Variants in IFNA14 observed in about 807,000 individuals in gnomAD.
IFNA14 encodes interferon alpha 14.
For missense variants in IFNA14, 337 were observed against 214.9 expected (o/e 1.57, Z -3.55); for synonymous variants, 113 against 76.8 (o/e 1.47, Z -2.46).
Position 21,239,992 on chromosome 9 carries a change from G to T in IFNA14, c.-57C>A, listed in dbSNP as rs1818866050. 2 of 1,470,892 alleles carry T rather than the reference G, an allele frequency of 1.4e-6. No individual in the cohort carries two copies. The highest frequency in any genetic ancestry group is 4.5e-5 in the East Asian group (2 of 44,146). 91.1% of individuals were successfully genotyped at this position (1,470,892 alleles called of 1,614,324 possible). Reference sequence around the variant, plus strand: ...GATGAGGGGTAACACTGAACCTTGGGTTGTAGGTTTTCTGAAGACCTTGCT... The same window carrying T: ...GATGAGGGGTAACACTGAACCTTGGTTTGTAGGTTTTCTGAAGACCTTGCT... On this transcript the variant is annotated 5_prime_UTR_variant, in exon 1 of 1. Coordinates refer to ENST00000380222, the MANE Select transcript of IFNA14 (RefSeq NM_002172.3).
rs1272187454 is a variant in IFNA14, at chr9:21,239,742, T to C, written c.194A>G (p.Glu65Gly). 6.2e-7 allele frequency: 1 copy of C among 1,614,004 alleles called. No individual in the cohort carries two copies. Among genetic ancestry groups the C allele is most frequent in the Non-Finnish European group, 8.5e-7 (1 of 1,180,020 alleles). The change falls in exon 1 of 1, where the codon GAA becomes GGA. Residue 65 changes from glutamate to glycine, a missense_variant. Physicochemically the swap from Glu to Gly is moderately conservative, Grantham distance 98 (BLOSUM62 -2). Coordinates refer to ENST00000380222, the MANE Select transcript of IFNA14 (RefSeq NM_002172.3). The part of the protein sequence containing the change: ...DRHDFEFPQE[E>G]FDGNQFQKAQ... ...TTTCTGGAACTGGTTGCCATCAAAT[T>C]CCTCCTGGGGAAATTCAAAGTCATG... is the stretch of plus-strand genomic sequence containing the variant.
rs1474772484 is a variant in IFNA14 at position 21,239,733 on chromosome 9, C to T, written c.203G>A (p.Gly68Asp). 2 of 1,613,948 alleles carry T rather than the reference C, an allele frequency of 1.2e-6. No homozygotes were observed. The highest frequency in any genetic ancestry group is 4.5e-5 in the East Asian group (2 of 44,882). ...DFEFPQEEFD[G>D]NQFQKAQAIS... ...GGCTTGAGCTTTCTGGAACTGGTTGCCATCAAATTCCTCCTGGGGAAATTC... is the reference window on the plus strand; with the variant it reads ...GGCTTGAGCTTTCTGGAACTGGTTGTCATCAAATTCCTCCTGGGGAAATTC... The change falls in exon 1 of 1, where the codon GGC becomes GAC. Residue 68 changes from glycine (G) to aspartate (D), a missense_variant. Transcript: ENST00000380222.
chr9:21,239,926 G>A lies in IFNA14; in HGVS notation c.10C>T (p.Pro4Ser), dbSNP rs773039262. 11 of 1,613,984 alleles carry A rather than the reference G, an allele frequency of 6.8e-6. No homozygotes were observed. In the East Asian group the frequency reaches 1.6e-4, roughly 23 times the overall value. MAL[P>S]FALMMALVVL... ...ACCAGGGCCATCATTAAAGCAAAGG[G>A]CAATGCCATTGGGAATCCCGAAGAT... Residue 4 changes from proline (P) to serine (S), a missense_variant, in exon 1 of 1, where the codon CCC (proline) becomes TCC (serine). Coordinates refer to ENST00000380222, the MANE Select transcript of IFNA14 (RefSeq NM_002172.3).
chr9:21,239,910 A>G lies in IFNA14; in HGVS notation c.26T>C (p.Met9Thr), dbSNP rs145889631. MALPFALM[M>T]ALVVLSCKSS... ...CTTGCAGCTGAGCACCACCAGGGCC[A>G]TCATTAAAGCAAAGGGCAATGCCAT... is the stretch of plus-strand genomic sequence containing the variant. Residue 9 changes from methionine to threonine, a missense_variant, in exon 1 of 1, where the codon ATG becomes ACG. Transcript: ENST00000380222. The G allele has an allele frequency of 8.1e-6, 13 of 1,614,018 alleles. No individual in the cohort carries two copies. Among genetic ancestry groups the G allele is most frequent in the Non-Finnish European group, 1.1e-5 (13 of 1,179,998 alleles).
Position 21,239,943 on chromosome 9 carries a change from C to A in IFNA14, c.-8G>T, listed in dbSNP as rs750887963. On this transcript the variant is annotated 5_prime_UTR_variant, in exon 1 of 1. Coordinates refer to ENST00000380222, the MANE Select transcript of IFNA14 (RefSeq NM_002172.3). ...AGCAAAGGGCAATGCCATTGGGAAT[C>A]CCGAAGATGCTGCTGGGCTGGTTGA... 3.1e-6 allele frequency: 5 copies of A among 1,613,100 alleles called. No individual in the cohort carries two copies. The highest frequency in any genetic ancestry group is 4.2e-6 in the Non-Finnish European group (5 of 1,179,136).
At position 21,239,608 on chromosome 9, in the gene IFNA14, T is replaced by C. The variant is rs371667333; in HGVS notation, c.328A>G (p.Ile110Val). Reference protein sequence around the residue: ...WDETLLEKFYIELFQQMNDLE... With the variant: ...WDETLLEKFYVELFQQMNDLE... The stretch of plus-strand genomic sequence containing the variant: ...TCATTCATTTGCTGGAAAAGTTCAA[T>C]GTAGAATTTTTCTAGGAGGGTCTCA... Residue 110 changes from isoleucine (I) to valine (V), a missense_variant, in exon 1 of 1, where the codon ATT (isoleucine) becomes GTT (valine). By Grantham distance (29) the Ile-to-Val change is conservative (BLOSUM62 3). Coordinates refer to ENST00000380222, the MANE Select transcript of IFNA14 (RefSeq NM_002172.3). 8.1e-6 allele frequency: 13 copies of C among 1,613,848 alleles called. No homozygotes were observed. In the African/African-American group the frequency reaches 1.1e-4, roughly 13 times the overall value.
Position 21,239,743 on chromosome 9 carries a change from C to T in IFNA14, c.193G>A (p.Glu65Lys), listed in dbSNP as rs764012910. Residue 65 changes from glutamate to lysine, a missense_variant, in exon 1 of 1, where the codon GAA (glutamate) becomes AAA (lysine). Physicochemically the swap from Glu to Lys is moderately conservative, Grantham distance 56 (BLOSUM62 1). Transcript: ENST00000380222. The part of the protein sequence containing the change: ...DRHDFEFPQE[E>K]FDGNQFQKAQ... ...TTCTGGAACTGGTTGCCATCAAATT[C>T]CTCCTGGGGAAATTCAAAGTCATGT... The T allele has an allele frequency of 1.2e-6, 2 of 1,614,156 alleles. No individual in the cohort carries two copies. The highest frequency in any genetic ancestry group is 1.7e-6 in the Non-Finnish European group (2 of 1,180,022).
In IFNA14 at chr9:21,239,678, C is replaced by G. The variant is rs765528025; in HGVS notation, c.258G>C (p.Gln86His). 6.2e-7 allele frequency: 1 copy of G among 1,614,044 alleles called. No individual in the cohort carries two copies. Among genetic ancestry groups the G allele is most frequent in the Non-Finnish European group, 8.5e-7 (1 of 1,179,946 alleles). ...TCTTTGTGCTGAAGAGATTGAAGGT[C>G]TGCTGCATCATCTCATGGAGGACAG... ...AISVLHEMMQ[Q>H]TFNLFSTKNS... The change falls in exon 1 of 1, where the codon CAG (glutamine) becomes CAC (histidine). Residue 86 changes from glutamine to histidine, a missense_variant. Physicochemically the swap from Gln to His is conservative, Grantham distance 24 (BLOSUM62 0). Transcript: ENST00000380222.
In IFNA14 at chr9:21,239,306, T is replaced by C; in HGVS notation, c.*60A>G. 1 of 1,600,922 alleles carries C rather than the reference T, an allele frequency of 6.2e-7. No individual in the cohort carries two copies. Among genetic ancestry groups the C allele is most frequent in the Non-Finnish European group, 8.5e-7 (1 of 1,176,668 alleles). On this transcript the variant is annotated 3_prime_UTR_variant, in exon 1 of 1. Coordinates refer to ENST00000380222, the MANE Select transcript of IFNA14 (RefSeq NM_002172.3). Reference sequence around the variant, plus strand: ...AAGTGAGTCTTTGAAATGGAAGAACTCATGAAAGTGTGAGATGATGTATTA... The same window carrying C: ...AAGTGAGTCTTTGAAATGGAAGAACCCATGAAAGTGTGAGATGATGTATTA...
In IFNA14 at chr9:21,239,647, A is replaced by G. The variant is rs1332035035; in HGVS notation, c.289T>C (p.Ser97Pro). ...TFNLFSTKNS[S>P]AAWDETLLEK... is the part of the protein sequence containing the mutation. ...AGGAGGGTCTCATCCCAAGCAGCAG[A>G]TGAGTTCTTTGTGCTGAAGAGATTG... Residue 97 changes from serine to proline, a missense_variant, in exon 1 of 1, where the codon TCT (serine) becomes CCT (proline). Ser to Pro is a moderately conservative substitution (Grantham distance 74). Transcript: ENST00000380222. The G allele has an allele frequency of 6.2e-7, 1 of 1,613,988 alleles. No homozygotes were observed. Among genetic ancestry groups the G allele is most frequent in the Non-Finnish European group, 8.5e-7 (1 of 1,179,930 alleles).
Position 21,239,238 on chromosome 9 carries a change from A to C in IFNA14, c.*128T>G. The stretch of plus-strand genomic sequence containing the variant: ...ACATGATGCTTCTTTACACTCCTGA[A>C]AACATTTGAAAATTTTGATTCAACT... On this transcript the variant is annotated 3_prime_UTR_variant, in exon 1 of 1. Coordinates refer to ENST00000380222, the MANE Select transcript of IFNA14 (RefSeq NM_002172.3). 2 of 1,519,694 alleles carry C rather than the reference A, an allele frequency of 1.3e-6. No individual in the cohort carries two copies. The highest frequency in any genetic ancestry group is 1.8e-6 in the Non-Finnish European group (2 of 1,128,468). 94.1% of individuals were successfully genotyped at this position (1,519,694 alleles called of 1,614,324 possible). A position where few individuals can be genotyped will look rare whatever the true frequency, so the allele number is the denominator to read the frequency against.
In IFNA14 at chr9:21,239,105, A is replaced by G; in HGVS notation, c.*261T>C. 5.3e-6 allele frequency: 1 copy of G among 189,442 alleles called. No individual in the cohort carries two copies. Among genetic ancestry groups the G allele is most frequent in the Non-Finnish European group, 1.0e-5 (1 of 95,434 alleles). 11.7% of individuals were successfully genotyped at this position (189,442 alleles called of 1,614,324 possible). A position where few individuals can be genotyped will look rare whatever the true frequency, so the allele number is the denominator to read the frequency against. On this transcript the variant is annotated 3_prime_UTR_variant, in exon 1 of 1. Transcript: ENST00000380222. The stretch of plus-strand genomic sequence containing the variant: ...TAAAGGTACACATGATATTACATAA[A>G]AAATAATTTAAATAATAAAAATAGT...
At position 21,239,749 on chromosome 9, in the gene IFNA14, G is replaced by C. The variant is rs767328413; in HGVS notation, c.187C>G (p.Gln63Glu). ...LKDRHDFEFP[Q>E]EEFDGNQFQK... is the part of the protein sequence containing the mutation. ...AACTGGTTGCCATCAAATTCCTCCTGGGGAAATTCAAAGTCATGTCTGTCC... is the reference window on the plus strand; with the variant it reads ...AACTGGTTGCCATCAAATTCCTCCTCGGGAAATTCAAAGTCATGTCTGTCC... The change falls in exon 1 of 1, where the codon CAG becomes GAG. Residue 63 changes from glutamine to glutamate, a missense_variant. By Grantham distance (29) the Gln-to-Glu change is conservative (BLOSUM62 2). Coordinates refer to ENST00000380222, the MANE Select transcript of IFNA14 (RefSeq NM_002172.3). 5 of 1,614,110 alleles carry C rather than the reference G, an allele frequency of 3.1e-6. No individual in the cohort carries two copies. Among genetic ancestry groups the C allele is most frequent in the Non-Finnish European group, 4.2e-6 (5 of 1,180,016 alleles).
In IFNA14 at chr9:21,239,211, A is replaced by G. The variant is rs941728295; in HGVS notation, c.*155T>C. The stretch of plus-strand genomic sequence containing the variant: ...GTAAAGGACTAGTGCCTGCACAGGT[A>G]TACATGATGCTTCTTTACACTCCTG... On this transcript the variant is annotated 3_prime_UTR_variant, in exon 1 of 1. Transcript: ENST00000380222. 1.0e-5 allele frequency: 13 copies of G among 1,259,932 alleles called. No individual in the cohort carries two copies. The highest frequency in any genetic ancestry group is 4.8e-5 in the East Asian group (2 of 41,604). 78.0% of individuals were successfully genotyped at this position (1,259,932 alleles called of 1,614,324 possible).
chr9:21,239,721 T>C lies in IFNA14; in HGVS notation c.215A>G (p.Gln72Arg), dbSNP rs200599574. 2.5e-4 allele frequency: 403 copies of C among 1,614,166 alleles called. No homozygotes were observed. The highest frequency in any genetic ancestry group is 2.9e-4 in the Non-Finnish European group (341 of 1,180,020). ...GAGGACAGAGATGGCTTGAGCTTTC[T>C]GGAACTGGTTGCCATCAAATTCCTC... ...PQEEFDGNQF[Q>R]KAQAISVLHE... The change falls in exon 1 of 1, where the codon CAG becomes CGG. Residue 72 changes from glutamine (Q) to arginine (R), a missense_variant. Transcript: ENST00000380222.
Position 21,239,509 on chromosome 9 carries a change from C to T in IFNA14, c.427G>A (p.Val143Met), listed in dbSNP as rs1463453803. ...GTGATTCTTTGGAAGTATTTCTTCACAGCCAGGATGGAGTCCTCATTCATC... is the reference window on the plus strand; with the variant it reads ...GTGATTCTTTGGAAGTATTTCTTCATAGCCAGGATGGAGTCCTCATTCATC... ...PLMNEDSILA[V>M]KKYFQRITLY... The change falls in exon 1 of 1, where the codon GTG becomes ATG. Residue 143 changes from valine to methionine, a missense_variant. Physicochemically the swap from Val to Met is conservative, Grantham distance 21. Coordinates refer to ENST00000380222, the MANE Select transcript of IFNA14 (RefSeq NM_002172.3). The T allele has an allele frequency of 6.2e-7, 1 of 1,614,018 alleles. No homozygotes were observed. Among genetic ancestry groups the T allele is most frequent in the African/African-American group, 1.3e-5 (1 of 74,906 alleles).
rs145144646 is a variant in IFNA14, at chr9:21,239,676, G to A, written c.260C>T (p.Thr87Ile). ...ISVLHEMMQQ[T>I]FNLFSTKNSS... is the part of the protein sequence containing the mutation. The stretch of plus-strand genomic sequence containing the variant: ...GTTCTTTGTGCTGAAGAGATTGAAG[G>A]TCTGCTGCATCATCTCATGGAGGAC... The change falls in exon 1 of 1, where the codon ACC becomes ATC. Residue 87 changes from threonine to isoleucine, a missense_variant. Transcript: ENST00000380222. 1.9e-6 allele frequency: 3 copies of A among 1,614,016 alleles called. No individual in the cohort carries two copies. Among genetic ancestry groups the A allele is most frequent in the Middle Eastern group, 1.7e-4 (1 of 6,058 alleles).
Position 21,239,230 on chromosome 9 carries a change from A to T in IFNA14, c.*136T>A. 6.8e-7 allele frequency: 1 copy of T among 1,462,440 alleles called. No homozygotes were observed. The highest frequency in any genetic ancestry group is 9.2e-7 in the Non-Finnish European group (1 of 1,082,622). The allele number at this position is 1,462,440 out of a possible 1,614,324, so 90.6% of individuals were successfully genotyped here. The stretch of plus-strand genomic sequence containing the variant: ...ACAGGTATACATGATGCTTCTTTAC[A>T]CTCCTGAAAACATTTGAAAATTTTG... On this transcript the variant is annotated 3_prime_UTR_variant, in exon 1 of 1. Coordinates refer to ENST00000380222, the MANE Select transcript of IFNA14 (RefSeq NM_002172.3).
chr9:21,239,956 C>A lies in IFNA14; in HGVS notation c.-21G>T, dbSNP rs777965314. 2.5e-5 allele frequency: 40 copies of A among 1,609,394 alleles called. No homozygotes were observed. The Admixed American group carries it at 6.7e-4, about 27-fold the overall frequency. ...GCCATTGGGAATCCCGAAGATGCTG[C>A]TGGGCTGGTTGATGAGGGGTAACAC... On this transcript the variant is annotated 5_prime_UTR_variant, in exon 1 of 1. Transcript: ENST00000380222.
Sources: allele counts gnomAD v4.1 joint callset, GRCh38; gene constraint gnomAD v4.1.1; transcripts MANE v1.5; gene names NCBI Gene and HGNC (gene_info 2026-07-23, HGNC 2026-07-21).